TIAM1: variants seen among roughly 807,000 people sequenced by gnomAD.
TIAM1 encodes TIAM Rac1 associated GEF 1, also known as rho guanine nucleotide exchange factor TIAM1.
In TIAM1, 65 loss-of-function variants were observed where a neutral mutation model predicts 163.5. The observed-to-expected ratio is 0.40, with a 90% confidence interval of 0.33 to 0.49. The LOEUF (loss-of-function observed/expected upper bound fraction) is 0.49. TIAM1 is among the 20% of genes least tolerant of loss of function. The pLI, the probability that TIAM1 is intolerant of heterozygous loss-of-function variation, is 0.77. For synonymous variants in TIAM1, 833 were observed against 810.1 expected, an observed-to-expected ratio of 1.03 and a Z score of -0.48; for missense variants, 1,789 against 2,044.7, an observed-to-expected ratio of 0.87 and a Z score of 2.41.
At chr21:31,131,223 G>A (rs1478567896) in intron 23 of TIAM1, among the ~76,000 whole-genome samples, 2 of 152,200 alleles carry the variant, frequency 1.3e-5, no homozygotes, top group Non-Finnish European at 2.9e-5. Context: ...TGTTAGGTAT[G>A]ATACAATTTC....
intron 4 of TIAM1, among the ~76,000 whole-genome samples, chr21:31,252,868 C>T (rs1302159663): frequency 2.0e-5 from 3 of 152,224 alleles, no homozygotes; most frequent in African/African-American, 4.8e-5. Flanking sequence ...GTGGGGCCTA[C>T]AGCTCCATTG....
chr21:31,472,052 G>A (rs1049304890), intron 1 of TIAM1, among the ~76,000 whole-genome samples: 3 of 152,010 alleles, frequency 2.0e-5, no homozygotes, highest in African/African-American at 7.2e-5. Context: ...AGGCTGTTGT[G>A]GTTAAGAGCC....
chr21:31,536,522 C>G (rs1569419348), intron 1 of TIAM1, among the ~76,000 whole-genome samples: 1 of 152,234 alleles, frequency 6.6e-6, no homozygotes, highest in Non-Finnish European at 1.5e-5. Flanking sequence ...CAAACTCTCA[C>G]CCGATACTCT....
intron 2 of TIAM1, among the ~76,000 whole-genome samples, chr21:31,304,546 C>A (rs1380205333): frequency 6.6e-6 from 1 of 152,132 alleles, no homozygotes; most frequent in Non-Finnish European, 1.5e-5. Context: ...GTAAGAGCAC[C>A]GTGCTAAAAT....
intron 2 of TIAM1, among the ~76,000 whole-genome samples, chr21:31,353,761 G>A (rs1440790088): frequency 6.6e-6 from 1 of 151,428 alleles, no homozygotes; most frequent in African/African-American, 2.4e-5. Flanking sequence ...CTGCATTTGG[G>A]CTACAATCTT....
rs1207171778 is a variant in TIAM1, at chr21:31,187,213, TTTC to T, written c.2576-129_2576-127del. On this transcript the variant is annotated intron_variant, in intron 13 of 27. Coordinates refer to ENST00000541036, the MANE Select transcript of TIAM1 (RefSeq NM_001353694.2). ...TCATTATAGTTTGGACTGATTGTTT[TTTC>T]TTGTTTTACATAGCAGAAAAGTGTA... is the stretch of plus-strand genomic sequence containing the variant. The T allele has an allele frequency of 3.5e-6, 3 of 857,716 alleles. No homozygotes were observed. The African/African-American group carries it at 5.0e-5, about 14-fold the overall frequency. 53.1% of individuals were successfully genotyped at this position (857,716 alleles called of 1,614,324 possible).
At chr21:31,305,856 CT>C (rs1336593139) in intron 2 of TIAM1, among the ~76,000 whole-genome samples, 1 of 152,088 alleles carries the variant, frequency 6.6e-6, no homozygotes, top group Non-Finnish European at 1.5e-5. Context: ...ACAAGATATA[CT>C]TTTTTTAAAA....
intron 1 of TIAM1, among the ~76,000 whole-genome samples, chr21:31,341,092 A>C (rs2076003378): frequency 1.3e-5 from 2 of 152,184 alleles, no homozygotes; most frequent in Non-Finnish European, 2.9e-5. Context: ...TAGGACAAGA[A>C]AGGGTAGGAG....
At chr21:31,539,264 G>C (rs1308201760) in intron 1 of TIAM1, among the ~76,000 whole-genome samples, 1 of 136,482 alleles carries the variant, frequency 7.3e-6, no homozygotes, top group African/African-American at 3.0e-5. Context: ...GAGGGAATGG[G>C]TTACTCTTTT....
intron 2 of TIAM1, among the ~76,000 whole-genome samples, chr21:31,321,547 T>G (rs972468964): frequency 4.2e-4 from 2 of 4,748 alleles, no homozygotes; most frequent in Non-Finnish European, 7.2e-4. Context: ...AGATGGGGTT[T>G]TGTCATGTTG....
chr21:31,407,513 T>G (rs1465319903), intron 2 of TIAM1, among the ~76,000 whole-genome samples: 1 of 152,070 alleles, frequency 6.6e-6, no homozygotes, highest in Non-Finnish European at 1.5e-5. Flanking sequence ...GGTGAGCCAC[T>G]GGATACCCTG....
intron 14 of TIAM1, among the ~76,000 whole-genome samples, chr21:31,183,883 C>CG (rs2085154880): frequency 6.6e-6 from 1 of 151,580 alleles, no homozygotes; most frequent in East Asian, 2.0e-4. Flanking sequence ...TCAGTAGGGA[C>CG]GGGGTTTCAC....
intron 2 of TIAM1, among the ~76,000 whole-genome samples, chr21:31,293,472 C>T (rs2074111323): frequency 6.6e-6 from 1 of 152,228 alleles, no homozygotes; most frequent in African/African-American, 2.4e-5. Context: ...ATCAAATGAA[C>T]CATCATTCCC....
intron 5 of TIAM1, among the ~76,000 whole-genome samples, chr21:31,248,233 AGCCTG>A (rs2071611113): frequency 6.6e-6 from 1 of 152,258 alleles, no homozygotes; most frequent in African/African-American, 2.4e-5. Context: ...GAGAGAAAGA[AGCCTG>A]TGGATAATGA....
At chr21:31,475,660 C>T (rs913900358) in intron 1 of TIAM1, among the ~76,000 whole-genome samples, 3 of 152,168 alleles carry the variant, frequency 2.0e-5, no homozygotes, top group Non-Finnish European at 4.4e-5. Flanking sequence ...GCCAAGAAAC[C>T]AAGAATCAGT....
At position 31,220,959 on chromosome 21, in the gene TIAM1, C is replaced by A. The variant is rs570796536; in HGVS notation, c.1995+2447G>T. On this transcript the variant is annotated intron_variant, in intron 8 of 27. Transcript: ENST00000541036. ...ATCACTCAGCATTATGGGAAGCTTT[C>A]TCAGTGAATGCTACTTCAATTGTAG... 3.3e-5 allele frequency among the ~76,000 whole-genome samples: 5 copies of A among 152,332 alleles called. No homozygotes were observed. The South Asian group carries it at 1.0e-3, about 32-fold the overall frequency.
chr21:31,155,752 T>C (rs552474484), intron 16 of TIAM1, among the ~76,000 whole-genome samples: 44 of 152,172 alleles, frequency 2.9e-4, no homozygotes, highest in South Asian at 8.3e-4. Flanking sequence ...CCACCCGCCT[T>C]GGCCTCCCAA....
intron 9 of TIAM1, among the ~76,000 whole-genome samples, chr21:31,213,866 C>CAAAAAAAA (rs35524539): frequency 0.01 from 566 of 54,814 alleles, 28 homozygotes; most frequent in African/African-American, 0.033. Flanking sequence ...CTCATCTCTA[C>CAAAAAAAA]AAAAAAAAAA....
chr21:31,446,004 G>T (rs140907307), intron 2 of TIAM1, among the ~76,000 whole-genome samples: 1 of 152,052 alleles, frequency 6.6e-6, no homozygotes, highest in African/African-American at 2.4e-5. Flanking sequence ...GCAGTGGCAC[G>T]ATCTCAGCTC....
Sources: allele counts gnomAD v4.1 joint callset (sites outside exome capture counted in the v4.1 genomes callset), GRCh38; gene constraint gnomAD v4.1.1; transcripts MANE v1.5; gene names NCBI Gene and HGNC (gene_info 2026-07-23, HGNC 2026-07-21).